The following ROCK1 variants were observed in gnomAD, a reference collection of about 807,000 sequenced individuals.
ROCK1 encodes rho-associated protein kinase 1.
Under a neutral mutation model 196.8 loss-of-function variants are expected in ROCK1, and 36 were observed. That is an observed-to-expected ratio of 0.18 (90% CI 0.14 to 0.24). ROCK1 has a LOEUF of 0.24. Among genes scored for constraint, ROCK1 ranks in the 10% least tolerant of loss-of-function variants. The pLI is 1.00. For synonymous variants in ROCK1, 443 were observed against 515.9 expected (o/e 0.86, Z 1.91); for missense variants, 920 against 1,562.0 (o/e 0.59, Z 6.93).
intron 2 of ROCK1, among the ~76,000 whole-genome samples, chr18:21,053,756 G>A (rs375303453): frequency 2.0e-4 from 30 of 152,262 alleles, no homozygotes; most frequent in Admixed American, 1.1e-3. Context: ...AGGACTGCTT[G>A]AGCCTAGGAG....
intron 22 of ROCK1, among the ~76,000 whole-genome samples, chr18:20,975,809 C>T (rs1460898635): frequency 6.6e-6 from 1 of 152,170 alleles, no homozygotes; most frequent in Non-Finnish European, 1.5e-5. Flanking sequence ...GACGGGGTTT[C>T]ACCCTGTTAG....
chr18:21,007,307 T>C (rs1464294597), intron 14 of ROCK1, among the ~76,000 whole-genome samples: 1 of 152,294 alleles, frequency 6.6e-6, no homozygotes, highest in East Asian at 1.9e-4. Flanking sequence ...AGCAATCCGT[T>C]TCTGTCACTT....
chr18:21,015,462 A>C lies in ROCK1; in HGVS notation c.1379T>G (p.Leu460Arg). The change falls in exon 13 of 33, where the codon CTA becomes CGA. Residue 460 changes from leucine (L) to arginine (R), a missense_variant. Physicochemically the swap from Leu to Arg is moderately radical, Grantham distance 102. Around this residue, in one of 6 missense-constraint regions of ROCK1, gnomAD observed 520 missense variants for 657.1 expected, o/e 0.79. Transcript: ENST00000399799. Reference sequence around the variant, plus strand: ...ATCCAATTCTTTCATTATCTTGTCTAGTTTTATGTTTGAGGTTCTGTAAAA... The same window carrying C: ...ATCCAATTCTTTCATTATCTTGTCTCGTTTTATGTTTGAGGTTCTGTAAAA... Reference protein sequence around the residue: ...EQKCRTSNIKLDKIMKELDEE... With the variant: ...EQKCRTSNIKRDKIMKELDEE... 1 of 1,564,016 alleles carries C rather than the reference A, an allele frequency of 6.4e-7. No homozygotes were observed. Among genetic ancestry groups the C allele is most frequent in the Non-Finnish European group, 8.8e-7 (1 of 1,139,144 alleles).
intron 12 of ROCK1, among the ~76,000 whole-genome samples, chr18:21,017,824 T>G (rs1266268935): frequency 1.3e-5 from 2 of 151,354 alleles, no homozygotes; most frequent in African/African-American, 4.9e-5. Context: ...ATTCAAAAAA[T>G]TAGCCAGGCA....
At position 21,006,798 on chromosome 18, in the gene ROCK1, A is replaced by G. The variant is rs1412020196; in HGVS notation, c.1547-8T>C. On this transcript the variant is annotated splice_polypyrimidine_tract_variant and splice_region_variant and intron_variant, in intron 14 of 32. Coordinates refer to ENST00000399799, the MANE Select transcript of ROCK1 (RefSeq NM_005406.3). ...GATCCTTTAATGTAGAAACTAGAAAATGAAAGAATAATATATAGAAATTAC... is the reference window on the plus strand; with the variant it reads ...GATCCTTTAATGTAGAAACTAGAAAGTGAAAGAATAATATATAGAAATTAC... 6.7e-7 allele frequency: 1 copy of G among 1,493,888 alleles called. No homozygotes were observed. 92.5% of individuals were successfully genotyped at this position (1,493,888 alleles called of 1,614,324 possible). A position where few individuals can be genotyped will look rare whatever the true frequency, so the allele number is the denominator to read the frequency against.
intron 8 of ROCK1, among the ~76,000 whole-genome samples, chr18:21,040,618 C>G (rs1213892510): frequency 6.6e-6 from 1 of 152,194 alleles, no homozygotes; most frequent in Non-Finnish European, 1.5e-5. Context: ...GAAGCTTTCA[C>G]TAACTCTCAA....
At position 21,060,012 on chromosome 18, in the gene ROCK1, T is replaced by G. The variant is rs148819188; in HGVS notation, c.176-10132A>C. On this transcript the variant is annotated intron_variant, in intron 2 of 32. Coordinates refer to ENST00000399799, the MANE Select transcript of ROCK1 (RefSeq NM_005406.3). ...TCTATAGAGACAGAAAATAGATTAG[T>G]GGTTGTCTAGGGCTGGAAGCCTGGA... 2.2e-4 allele frequency among the ~76,000 whole-genome samples: 34 copies of G among 152,262 alleles called. No individual in the cohort carries two copies. The East Asian group carries it at 6.2e-3, about 28-fold the overall frequency.
intron 29 of ROCK1, among the ~76,000 whole-genome samples, chr18:20,957,382 ATTACTG>A (rs1264284197): frequency 1.3e-5 from 2 of 152,262 alleles, no homozygotes; most frequent in African/African-American, 4.8e-5. Context: ...AAAAGTGTAC[ATTACTG>A]TTTAATTCCA....
intron 16 of ROCK1, among the ~76,000 whole-genome samples, chr18:20,997,410 T>G (rs910299982): frequency 6.6e-6 from 1 of 152,212 alleles, no homozygotes; most frequent in Non-Finnish European, 1.5e-5. Context: ...AAGGTCATAA[T>G]GTAATGATAA....
Position 21,031,604 on chromosome 18 carries a change from CAAAAAAAAAA to C in ROCK1, c.1052-2679_1052-2670del, listed in dbSNP as rs781463990. Among the ~76,000 whole-genome samples, 9 of 51,880 alleles carry C rather than the reference CAAAAAAAAAA, an allele frequency of 1.7e-4. No homozygotes were observed. The South Asian group carries it at 4.4e-3, about 26-fold the overall frequency. The allele number at this position is 51,880 out of a possible 152,430, so 34.0% of individuals were successfully genotyped here. ...TGGGCAACAGAGCGAGACTCCATCTCAAAAAAAAAAAAAAAAAAAAAGAAAATAATATAGA... is the reference window on the plus strand; with the variant it reads ...TGGGCAACAGAGCGAGACTCCATCTCAAAAAAAAAAAGAAAATAATATAGA... On this transcript the variant is annotated intron_variant, in intron 9 of 32. Coordinates refer to ENST00000399799, the MANE Select transcript of ROCK1 (RefSeq NM_005406.3).
At chr18:21,077,180 A>G (rs1315135332) in intron 1 of ROCK1, among the ~76,000 whole-genome samples, 1 of 151,204 alleles carries the variant, frequency 6.6e-6, no homozygotes, top group Non-Finnish European at 1.5e-5. Context: ...TCACCTTGTT[A>G]GCCAGGATGG....
chr18:21,033,386 G>T (rs552224046), intron 9 of ROCK1, among the ~76,000 whole-genome samples: 1 of 151,994 alleles, frequency 6.6e-6, no homozygotes, highest in Non-Finnish European at 1.5e-5. Context: ...TATATTCAGC[G>T]GTGAAAGACT....
chr18:20,965,999 A>AT (rs560308541), intron 27 of ROCK1, among the ~76,000 whole-genome samples: 27 of 152,310 alleles, frequency 1.8e-4, no homozygotes, highest in Non-Finnish European at 1.0e-4. Context: ...ATAACAAGTA[A>AT]TATCTGTTAA....
chr18:20,990,555 A>G (rs2035615300), intron 18 of ROCK1, among the ~76,000 whole-genome samples: 1 of 151,252 alleles, frequency 6.6e-6, no homozygotes, highest in Non-Finnish European at 1.5e-5. Flanking sequence ...TTAGCCGGGC[A>G]TGGTGTCGGG....
chr18:21,068,327 T>TA (rs2143547883), intron 2 of ROCK1, among the ~76,000 whole-genome samples: 1 of 152,230 alleles, frequency 6.6e-6, no homozygotes, highest in East Asian at 1.9e-4. Context: ...TGCACAGGTC[T>TA]ATTTCTAGAT....
chr18:21,073,078 A>C (rs1237637715), intron 1 of ROCK1, among the ~76,000 whole-genome samples: 1 of 141,802 alleles, frequency 7.1e-6, no homozygotes, highest in African/African-American at 2.9e-5. Context: ...AAAAAAAAAA[A>C]AAAAAAAAAA....
At chr18:21,087,131 T>G (rs2036534553) in intron 1 of ROCK1, among the ~76,000 whole-genome samples, 1 of 152,182 alleles carries the variant, frequency 6.6e-6, no homozygotes, top group Non-Finnish European at 1.5e-5. Flanking sequence ...TTTCTATGCC[T>G]AATTTAATAC....
intron 1 of ROCK1, among the ~76,000 whole-genome samples, chr18:21,076,558 A>G (rs2036432938): frequency 6.6e-6 from 1 of 152,124 alleles, no homozygotes; most frequent in Admixed American, 6.5e-5. Flanking sequence ...GTGTGTGTGT[A>G]CATATATATA....
At chr18:20,978,294 T>G (rs1381189066) in intron 22 of ROCK1, among the ~76,000 whole-genome samples, 2 of 151,800 alleles carry the variant, frequency 1.3e-5, no homozygotes, top group African/African-American at 4.8e-5. Context: ...AATGCCATAG[T>G]GGTTAACAAC....
Sources: allele counts gnomAD v4.1 joint callset (sites outside exome capture counted in the v4.1 genomes callset), GRCh38; gene constraint gnomAD v4.1.1; regional missense constraint gnomAD v4.1.1; transcripts MANE v1.5; gene names NCBI Gene and HGNC (gene_info 2026-07-23, HGNC 2026-07-21).